TYROBP: variants seen among roughly 807,000 people sequenced by gnomAD.
The protein encoded by TYROBP is TYRO protein tyrosine kinase-binding protein.
Under a neutral mutation model 17.1 loss-of-function variants are expected in TYROBP, and 14 were observed. The ratio of observed to expected loss-of-function variants is 0.82; its 90% CI spans 0.54 to 1.28. The LOEUF is 1.28. Ranked by LOEUF, TYROBP falls within the 50% of genes most tolerant of loss-of-function variation. TYROBP has a pLI of 0.00. For missense variants in TYROBP, 161 were observed against 151.4 expected (o/e 1.06, Z -0.33); for synonymous variants, 73 against 67.4 (o/e 1.08, Z -0.41).
At chr19:35,907,406 T>C in intron 3 of TYROBP, 40 bp downstream of exon 3, 2 of 1,011,928 alleles carry the variant, frequency 2.0e-6, no homozygotes, top group Non-Finnish European at 3.1e-6. Context: ...CACCCCCATC[T>C]AGGCAAGTCC....
chr19:35,904,663 G>A (rs1304571771), intron 4 of TYROBP, 29 bp from the exon 5 acceptor site: 2 of 1,605,300 alleles, frequency 1.2e-6, no homozygotes. Context: ...TCAGTGGAAG[G>A]GACCCACCAA....
At chr19:35,907,154 G>A in intron 4 of TYROBP, 64 bp downstream of exon 4, 1 of 1,484,784 alleles carries the variant, frequency 6.7e-7, no homozygotes, top group African/African-American at 1.4e-5. Context: ...TGGCATGAAG[G>A]AGTATCTGGG....
Position 35,904,621 on chromosome 19 carries a change from T to C in TYROBP, c.290A>G (p.Gln97Arg), listed in dbSNP as rs766372791. The C allele has an allele frequency of 6.2e-7, 1 of 1,613,262 alleles. No individual in the cohort carries two copies. The highest frequency in any genetic ancestry group is 8.5e-7 in the Non-Finnish European group (1 of 1,179,680). Residue 97 changes from glutamine to arginine, a missense_variant, in exon 5 of 5, where the codon CAG (glutamine) becomes CGG (arginine). Physicochemically the swap from Gln to Arg is conservative, Grantham distance 43. Coordinates refer to ENST00000262629, the MANE Select transcript of TYROBP (RefSeq NM_003332.4). ...TESPYQELQGQRSDVYSDLNT... is the reference protein window; with the variant it reads ...TESPYQELQGRRSDVYSDLNT... ...GAGGTCGCTGTAGACATCCGACCTC[T>C]GACCCTGGAGCTCCTAAAGGAATGG...
chr19:35,905,770 T>A (rs149422407), intron 4 of TYROBP, among the ~76,000 whole-genome samples: 1 of 151,346 alleles, frequency 6.6e-6, no homozygotes. Context: ...CTGGCCAACA[T>A]AGTGAAACCC....
At chr19:35,906,398 T>A (rs995354759) in intron 4 of TYROBP, among the ~76,000 whole-genome samples, 1 of 151,768 alleles carries the variant, frequency 6.6e-6, no homozygotes, top group African/African-American at 2.4e-5. Context: ...CAAAAAAAAA[T>A]TTTTTTTAAT....
At chr19:35,906,605 T>C (rs2146987278) in intron 4 of TYROBP, among the ~76,000 whole-genome samples, 1 of 152,112 alleles carries the variant, frequency 6.6e-6, no homozygotes, top group South Asian at 2.1e-4. Context: ...ACTGAGAGCG[T>C]CTCCCAGAAA....
At chr19:35,904,665 A>G in intron 4 of TYROBP, 31 bp from the exon 5 acceptor site, 2 of 1,602,654 alleles carry the variant, frequency 1.2e-6, no homozygotes, top group Non-Finnish European at 1.7e-6. Context: ...AGTGGAAGGG[A>G]CCCACCAAAT....
intron 4 of TYROBP, 33 bp from the exon 5 acceptor site, chr19:35,904,667 C>T: frequency 6.2e-7 from 1 of 1,602,508 alleles, no homozygotes; most frequent in Non-Finnish European, 8.5e-7. Context: ...TGGAAGGGAC[C>T]CACCAAATAA....
chr19:35,904,857 C>T (rs1043559960), intron 4 of TYROBP, among the ~76,000 whole-genome samples: 5 of 152,032 alleles, frequency 3.3e-5, no homozygotes, highest in African/African-American at 1.2e-4. Flanking sequence ...AAACTCTGTT[C>T]CCCTAGATCC....
At chr19:35,904,755 T>C (rs1975678888) in intron 4 of TYROBP, 121 bp from the exon 5 acceptor site, 2 of 862,230 alleles carry the variant, frequency 2.3e-6, no homozygotes, top group Non-Finnish European at 3.7e-6. Flanking sequence ...GATCCGGATT[T>C]TATTCAAGTA....
intron 4 of TYROBP, among the ~76,000 whole-genome samples, chr19:35,905,070 T>G (rs1975689829): frequency 6.6e-6 from 1 of 152,166 alleles, no homozygotes; most frequent in African/African-American, 2.4e-5. Flanking sequence ...ACTCTGTCAC[T>G]GTGTCCCCAG....
intron 4 of TYROBP, among the ~76,000 whole-genome samples, chr19:35,905,525 A>G (rs890688799): frequency 2.0e-5 from 3 of 152,076 alleles, no homozygotes; most frequent in Admixed American, 6.6e-5. Context: ...TTTTAAAAAG[A>G]GCTTCAGCCA....
intron 3 of TYROBP, 76 bp downstream of exon 3, chr19:35,907,370 G>T: frequency 6.2e-7 from 1 of 1,604,776 alleles, no homozygotes; most frequent in Non-Finnish European, 8.5e-7. Context: ...TTGGATGTTT[G>T]AGATCTGGGA....
rs943699555 is a variant in TYROBP at position 35,908,055 on chromosome 19, A to G, written c.61+113T>C. The stretch of plus-strand genomic sequence containing the variant: ...ACCCACAGGCTTTGGGAGGTTGGGG[A>G]CCTGCTCCCATCCCAACACCCACTT... On this transcript the variant is annotated intron_variant, in intron 1 of 4. Transcript: ENST00000262629. 10 of 964,042 alleles carry G rather than the reference A, an allele frequency of 1.0e-5. 1 individual carries two copies. In the African/African-American group the frequency reaches 1.5e-4, roughly 14 times the overall value. The allele number at this position is 964,042 out of a possible 1,614,324, so 59.7% of individuals were successfully genotyped here. A position where few individuals can be genotyped will look rare whatever the true frequency, so the allele number is the denominator to read the frequency against.
chr19:35,907,635 G>C (rs1975763105), intron 2 of TYROBP, 55 bp from the exon 3 acceptor site: 8 of 1,613,188 alleles, frequency 5.0e-6, no homozygotes, highest in Non-Finnish European at 5.9e-6. Flanking sequence ...TGGGGAGGGG[G>C]GTCAGCGGCA....
chr19:35,907,404 T>G (rs1437461170), intron 3 of TYROBP, 42 bp downstream of exon 3: 2 of 734,012 alleles, frequency 2.7e-6, no homozygotes, highest in Non-Finnish European at 4.6e-6. Flanking sequence ...CCCACCCCCA[T>G]CTAGGCAAGT....
In TYROBP at chr19:35,907,069, A is replaced by G. The variant is rs569034090; in HGVS notation, c.276+149T>C. The G allele has an allele frequency of 4.3e-4, 347 of 800,116 alleles. 2 individuals are homozygous for G. The highest frequency in any genetic ancestry group is 9.3e-5 in the Non-Finnish European group (43 of 463,176). The allele number at this position is 800,116 out of a possible 1,614,324, so 49.6% of individuals were successfully genotyped here. A position where few individuals can be genotyped will look rare whatever the true frequency, so the allele number is the denominator to read the frequency against. On this transcript the variant is annotated intron_variant, in intron 4 of 4. Coordinates refer to ENST00000262629, the MANE Select transcript of TYROBP (RefSeq NM_003332.4). ...AAGCTTGTGGTTGATCATTCGGCCCAGTTTTGGACAGATGTCCCATGTGCC... is the reference window on the plus strand; with the variant it reads ...AAGCTTGTGGTTGATCATTCGGCCCGGTTTTGGACAGATGTCCCATGTGCC...
In TYROBP at chr19:35,907,533, TC is replaced by T. The variant is rs386833840; in HGVS notation, c.141del (p.Met48TrpfsTer6). 6.2e-6 allele frequency: 10 copies of T among 1,613,960 alleles called. No homozygotes were observed. The East Asian group carries it at 2.2e-4, about 36-fold the overall frequency. On this transcript the variant is annotated frameshift_variant, in exon 3 of 5. Transcript: ENST00000262629. LOFTEE classifies it high-confidence loss of function. ...TVSPGVLAGI[V>X]MGDLVLTVLI... The stretch of plus-strand genomic sequence containing the variant: ...AGCACTGTCAGCACCAGGTCTCCCA[TC>T]ACGATCCCTGCCAGCACGCCCGGGC...
intron 4 of TYROBP, among the ~76,000 whole-genome samples, chr19:35,905,559 T>C (rs892223444): frequency 6.6e-6 from 1 of 151,254 alleles, no homozygotes; most frequent in Admixed American, 6.6e-5. Flanking sequence ...ATGCCTATAA[T>C]CCCAGCACTT....
Sources: allele counts gnomAD v4.1 joint callset (sites outside exome capture counted in the v4.1 genomes callset), GRCh38; gene constraint gnomAD v4.1.1; transcripts MANE v1.5; gene names NCBI Gene and HGNC (gene_info 2026-07-23, HGNC 2026-07-21).